Variants in ENKUR observed in about 807,000 individuals in gnomAD.
The protein encoded by ENKUR is enkurin.
In ENKUR, 19 loss-of-function variants were observed where a neutral mutation model predicts 27.6. That is an observed-to-expected ratio of 0.69 (90% CI 0.48 to 1.01). The LOEUF is 1.01. ENKUR is among the 50% of genes least tolerant of loss of function. The pLI is 0.00. For missense variants in ENKUR, 312 were observed against 310.5 expected, an observed-to-expected ratio of 1.00 and a Z score of -0.04; for synonymous variants, 117 against 96.9, an observed-to-expected ratio of 1.21 and a Z score of -1.22.
chr10:25,054,575 C>T (rs1160131370), intron 2 of ENKUR, among the ~76,000 whole-genome samples: 2 of 128,244 alleles, frequency 1.6e-5, no homozygotes, highest in African/African-American at 5.8e-5. Flanking sequence ...TTCCTTCTTT[C>T]TTTTCTTTCT....
chr10:25,026,972 A>G (rs1850865702), intron 2 of ENKUR, among the ~76,000 whole-genome samples: 1 of 152,128 alleles, frequency 6.6e-6, no homozygotes, highest in South Asian at 2.1e-4. Context: ...TTGTTCATGT[A>G]TGTCTTTATT....
chr10:24,993,198 C>A (rs1849964785), intron 3 of ENKUR, among the ~76,000 whole-genome samples: 2 of 152,232 alleles, frequency 1.3e-5, no homozygotes, highest in East Asian at 1.9e-4. Flanking sequence ...AAAAAACTCA[C>A]AAATGAGCAA....
At chr10:25,048,471 A>G (rs1338240001) in intron 2 of ENKUR, among the ~76,000 whole-genome samples, 1 of 151,994 alleles carries the variant, frequency 6.6e-6, no homozygotes, top group African/African-American at 2.4e-5. Flanking sequence ...GAATCTGAGC[A>G]TTCTGAGTTA....
At chr10:25,031,749 T>C (rs201957631) in intron 2 of ENKUR, among the ~76,000 whole-genome samples, 1 of 150,278 alleles carries the variant, frequency 6.7e-6, no homozygotes, top group Non-Finnish European at 1.5e-5. Context: ...TTTTTTTTTT[T>C]CTTTTAAATT....
At chr10:25,021,178 CAGTG>C (rs1850711390) in intron 2 of ENKUR, among the ~76,000 whole-genome samples, 1 of 152,178 alleles carries the variant, frequency 6.6e-6, no homozygotes. Context: ...AGCCCACTGT[CAGTG>C]AGTGACAATG....
intron 2 of ENKUR, chr10:25,023,306 A>G (rs1341204283): frequency 1.9e-6 from 3 of 1,614,186 alleles, no homozygotes; most frequent in Non-Finnish European, 1.7e-6. Flanking sequence ...ACGGATAAAC[A>G]TGCACAGCGA....
chr10:25,007,818 T>C (rs965203957), intron 1 of ENKUR, among the ~76,000 whole-genome samples: 2 of 152,124 alleles, frequency 1.3e-5, no homozygotes, highest in Non-Finnish European at 2.9e-5. Context: ...TGTTCCTTGC[T>C]GAAAAAAATC....
intron 2 of ENKUR, among the ~76,000 whole-genome samples, chr10:25,054,500 T>TCTTTCTTTCTTTCTTTC (rs1851227116): frequency 7.1e-6 from 1 of 140,804 alleles, no homozygotes; most frequent in Non-Finnish European, 1.5e-5. Flanking sequence ...TTTCTTTCTT[T>TCTTTCTTTCTTTCTTTC]CTTTCTTTCT....
chr10:25,030,649 T>C (rs1850923742), intron 2 of ENKUR, among the ~76,000 whole-genome samples: 1 of 152,214 alleles, frequency 6.6e-6, no homozygotes. Context: ...TGGAGCACTT[T>C]GATGGGCTTT....
intron 3 of ENKUR, among the ~76,000 whole-genome samples, chr10:24,991,495 G>A (rs1249966571): frequency 6.6e-6 from 1 of 151,934 alleles, no homozygotes; most frequent in African/African-American, 2.4e-5. Context: ...GCTGTTGACA[G>A]GGGCGTGCCA....
intron 2 of ENKUR, among the ~76,000 whole-genome samples, chr10:24,999,156 T>C (rs1235896464): frequency 6.6e-6 from 1 of 152,186 alleles, no homozygotes; most frequent in African/African-American, 2.4e-5. Context: ...ACTAAGATGG[T>C]GATGCATGTG....
chr10:25,023,878 G>C, intron 2 of ENKUR: 1 of 1,614,140 alleles, frequency 6.2e-7, no homozygotes, highest in Non-Finnish European at 8.5e-7. Context: ...AGTGCTGAAT[G>C]CAATTAAAAG....
chr10:25,001,597 ACT>A (rs1367448015), intron 1 of ENKUR, among the ~76,000 whole-genome samples: 1 of 151,770 alleles, frequency 6.6e-6, no homozygotes, highest in Non-Finnish European at 1.5e-5. Context: ...TTGTTCTATT[ACT>A]GTGTCTTCAA....
At chr10:25,058,299 C>G (rs1395986418) in intron 2 of ENKUR, among the ~76,000 whole-genome samples, 2 of 152,054 alleles carry the variant, frequency 1.3e-5, no homozygotes, top group African/African-American at 4.8e-5. Flanking sequence ...CTTTGAACTC[C>G]TGGGTTCAAG....
chr10:25,053,801 A>T (rs1253749262), intron 2 of ENKUR, among the ~76,000 whole-genome samples: 9 of 151,818 alleles, frequency 5.9e-5, no homozygotes, highest in Non-Finnish European at 1.0e-4. Flanking sequence ...GATTTTTTTT[A>T]AATTTATGAT....
chr10:25,055,330 T>TAAA (rs761014079), intron 2 of ENKUR, among the ~76,000 whole-genome samples: 1 of 140,048 alleles, frequency 7.1e-6, no homozygotes, highest in Non-Finnish European at 1.6e-5. Flanking sequence ...AGGCCACTTC[T>TAAA]AAAAAAAAAA....
rs766010381 is a variant in ENKUR at position 25,015,964 on chromosome 10, C to T, written c.-28G>A. ...CCACCAAATGACTCCTTAAAAGCTACTCTCCACAACTTTTTTCTCCCTGTC... is the reference window on the plus strand; with the variant it reads ...CCACCAAATGACTCCTTAAAAGCTATTCTCCACAACTTTTTTCTCCCTGTC... On this transcript the variant is annotated 5_prime_UTR_variant, in exon 1 of 6. Coordinates refer to ENST00000331161, the MANE Select transcript of ENKUR (RefSeq NM_145010.4). The T allele has an allele frequency of 7.5e-6, 12 of 1,592,016 alleles. No homozygotes were observed. The South Asian group carries it at 1.2e-4, about 15-fold the overall frequency.
intron 2 of ENKUR, among the ~76,000 whole-genome samples, chr10:25,060,922 C>T (rs1851319094): frequency 6.6e-6 from 1 of 151,986 alleles, no homozygotes; most frequent in Non-Finnish European, 1.5e-5. Context: ...CCATGTTTCC[C>T]AGGCTGGTCT....
chr10:25,034,389 T>C (rs969643873), intron 2 of ENKUR, among the ~76,000 whole-genome samples: 5 of 152,186 alleles, frequency 3.3e-5, no homozygotes, highest in African/African-American at 1.2e-4. Flanking sequence ...AACATAGTTT[T>C]CTAGTCTAAC....
Sources: gnomAD v4.1 joint callset for allele counts (sites outside exome capture counted in the v4.1 genomes callset) on GRCh38, gnomAD v4.1.1 for gene constraint, MANE v1.5 for transcripts, NCBI Gene and HGNC (gene_info 2026-07-23, HGNC 2026-07-21) for gene names.